HIPK2: variants seen among roughly 807,000 people sequenced by gnomAD.
HIPK2 encodes the protein homeodomain-interacting protein kinase 2.
A neutral mutation model predicts 113.7 loss-of-function variants in HIPK2; 27 were observed. The observed-to-expected ratio is 0.24, with a 90% CI of 0.17 to 0.33. The LOEUF (loss-of-function observed/expected upper bound fraction) is 0.33. Ranked by LOEUF, HIPK2 falls within the 10% of genes least tolerant of loss-of-function variation. The pLI, the probability that HIPK2 is intolerant of heterozygous loss-of-function variation, is 1.00. For synonymous variants in HIPK2, 631 were observed against 642.2 expected (o/e 0.98, Z 0.26); for missense variants, 1,257 against 1,588.0 (o/e 0.79, Z 3.54).
intron 1 of HIPK2, among the ~76,000 whole-genome samples, chr7:139,737,239 C>T (rs574074184): frequency 2.6e-5 from 4 of 152,190 alleles, no homozygotes; most frequent in Admixed American, 1.3e-4. Context: ...GGTGGGAGGA[C>T]GTATGAGGAT....
At chr7:139,687,074 C>T (rs775025448) in intron 2 of HIPK2, among the ~76,000 whole-genome samples, 2 of 152,202 alleles carry the variant, frequency 1.3e-5, no homozygotes, top group African/African-American at 4.8e-5. Flanking sequence ...AGATCACTAG[C>T]ATTTTTAGCA....
At chr7:139,646,325 G>T (rs1424065892) in intron 2 of HIPK2, among the ~76,000 whole-genome samples, 3 of 151,780 alleles carry the variant, frequency 2.0e-5, no homozygotes, top group Admixed American at 6.6e-5. Context: ...GTAAGACTCC[G>T]TCCCTACAAA....
chr7:139,591,721 CA>C (rs1799031361), intron 12 of HIPK2, among the ~76,000 whole-genome samples: 1 of 152,232 alleles, frequency 6.6e-6, no homozygotes. Flanking sequence ...AGATGAGTCA[CA>C]TGACTGAAAT....
chr7:139,645,598 T>C (rs1801184398), intron 2 of HIPK2, among the ~76,000 whole-genome samples: 1 of 152,172 alleles, frequency 6.6e-6, no homozygotes, highest in South Asian at 2.1e-4. Context: ...TCCTGGCCGA[T>C]GGAGTAGGCT....
rs1334373233 is a variant in HIPK2 at position 139,566,504 on chromosome 7, A to G, written c.*6423T>C. The stretch of plus-strand genomic sequence containing the variant: ...TGAGGCCACGCATTGCTATTAATTA[A>G]AAAAAGTTAAAAGATTAAAAATCAC... On this transcript the variant is annotated 3_prime_UTR_variant, in exon 15 of 15. Coordinates refer to ENST00000406875, the MANE Select transcript of HIPK2 (RefSeq NM_022740.5). This position sits in a 1 kb window ranked among gnomAD's most constrained non-coding sequence, Gnocchi z 4.1. The G allele has an allele frequency of 6.6e-6, 1 of 152,218 alleles. No individual in the cohort carries two copies. The highest frequency in any genetic ancestry group is 1.5e-5 in the Non-Finnish European group (1 of 68,050). 9.4% of individuals were successfully genotyped at this position (152,218 alleles called of 1,614,324 possible).
intron 6 of HIPK2, among the ~76,000 whole-genome samples, chr7:139,623,507 G>C (rs1376440129): frequency 8.0e-6 from 1 of 124,894 alleles, no homozygotes; most frequent in African/African-American, 3.1e-5. Flanking sequence ...AACAGAGTGA[G>C]ACTCTACTTC....
At position 139,765,745 on chromosome 7, in the gene HIPK2, C is replaced by T. The variant is rs552556981; in HGVS notation, c.19+11860G>A. 3.5e-4 allele frequency among the ~76,000 whole-genome samples: 53 copies of T among 152,282 alleles called. 1 individual carries two copies. The highest frequency in any genetic ancestry group is 3.0e-3 in the Admixed American group (46 of 15,300). On this transcript the variant is annotated intron_variant, in intron 1 of 14. Transcript: ENST00000406875. ...CAGCCTTCCTTTCCCCATGGCCTCA[C>T]AGCACCTCCTCCATCTTCTGTTAAA...
intron 2 of HIPK2, among the ~76,000 whole-genome samples, chr7:139,687,292 T>G (rs1038227277): frequency 6.6e-6 from 1 of 151,986 alleles, no homozygotes; most frequent in African/African-American, 2.4e-5. Flanking sequence ...TTTTTAGACA[T>G]GATATAGCAT....
intron 1 of HIPK2, among the ~76,000 whole-genome samples, chr7:139,722,830 G>C (rs1795453573): frequency 6.6e-6 from 1 of 151,924 alleles, no homozygotes; most frequent in Non-Finnish European, 1.5e-5. Context: ...AAAAAAATCA[G>C]ACCCTGACCC....
intron 9 of HIPK2, among the ~76,000 whole-genome samples, chr7:139,606,332 A>C (rs1799614417): frequency 6.6e-6 from 1 of 152,202 alleles, no homozygotes; most frequent in African/African-American, 2.4e-5. Flanking sequence ...CATTTCTAAG[A>C]TTAATAAATT....
At chr7:139,728,784 A>G (rs1446519975) in intron 1 of HIPK2, among the ~76,000 whole-genome samples, 2 of 152,236 alleles carry the variant, frequency 1.3e-5, no homozygotes, top group African/African-American at 4.8e-5. Context: ...ATATTCCAAA[A>G]GAAGTCTCTT....
rs1298896813 is a variant in HIPK2, at chr7:139,750,418, CTATA to C, written c.19+27183_19+27186del. ...GAATCTACCCTCAAATGATCTCTTC[CTATA>C]TATATAGTATTTTGGATGTATACAT... On this transcript the variant is annotated intron_variant, in intron 1 of 14. Transcript: ENST00000406875. Among the ~76,000 whole-genome samples, 3 of 152,226 alleles carry C rather than the reference CTATA, an allele frequency of 2.0e-5. No homozygotes were observed. The South Asian group carries it at 6.2e-4, about 32-fold the overall frequency.
At chr7:139,713,629 G>A (rs1795134707) in intron 2 of HIPK2, among the ~76,000 whole-genome samples, 1 of 152,224 alleles carries the variant, frequency 6.6e-6, no homozygotes, top group Non-Finnish European at 1.5e-5. Context: ...TTCAGTGAAT[G>A]TTAATAACAC....
In HIPK2 at chr7:139,713,260, G is replaced by C. The variant is rs73156901; in HGVS notation, c.1103+2672C>G. On this transcript the variant is annotated intron_variant, in intron 2 of 14. Transcript: ENST00000406875. The stretch of plus-strand genomic sequence containing the variant: ...CAAAAGGCCTGATCTCACCCACAGA[G>C]GGGGGCAGGAGAGGATCGCTGTGAG... Among the ~76,000 whole-genome samples the C allele has an allele frequency of 3.7e-3, 563 of 152,250 alleles. 3 individuals carry two copies. The highest frequency in any genetic ancestry group is 7.7e-3 in the Admixed American group (118 of 15,298).
chr7:139,578,791 C>T (rs1054243788), intron 13 of HIPK2, among the ~76,000 whole-genome samples: 4 of 152,208 alleles, frequency 2.6e-5, no homozygotes, highest in Non-Finnish European at 5.9e-5. Context: ...CAGCCTCAGC[C>T]TTCCGAGTAG....
chr7:139,668,075 G>T (rs938864495), intron 2 of HIPK2, among the ~76,000 whole-genome samples: 2 of 147,186 alleles, frequency 1.4e-5, no homozygotes, highest in East Asian at 4.0e-4. Flanking sequence ...GCAGCAAGCC[G>T]AGATCAAACC....
intron 2 of HIPK2, among the ~76,000 whole-genome samples, chr7:139,706,689 C>T (rs1003509220): frequency 3.3e-5 from 5 of 152,322 alleles, no homozygotes; most frequent in Admixed American, 2.0e-4. Context: ...CCTGCTCACA[C>T]GGGAGGTAGA....
rs112814769 is a variant in HIPK2 at position 139,754,250 on chromosome 7, T to C, written c.19+23355A>G. ...AGCCATTTTAAGCATAAATATCGTA[T>C]CTAAGTCTCCGATAGAAGGAGCACA... On this transcript the variant is annotated intron_variant, in intron 1 of 14. Coordinates refer to ENST00000406875, the MANE Select transcript of HIPK2 (RefSeq NM_022740.5). Among the ~76,000 whole-genome samples, 415 of 152,342 alleles carry C rather than the reference T, an allele frequency of 2.7e-3. 5 individuals carry two copies. The highest frequency in any genetic ancestry group is 9.5e-3 in the African/African-American group (396 of 41,578).
chr7:139,653,340 C>T lies in HIPK2; in HGVS notation c.1104-21615G>A, dbSNP rs560756680. Among the ~76,000 whole-genome samples, 32 of 151,864 alleles carry T rather than the reference C, an allele frequency of 2.1e-4. 1 individual carries two copies. The highest frequency in any genetic ancestry group is 7.5e-4 in the African/African-American group (31 of 41,350). On this transcript the variant is annotated intron_variant, in intron 2 of 14. Transcript: ENST00000406875. ...GATTTCTTCAGAGAGCAACTACAGACAAAGAGACATTTGTCTGTAAACATG... is the reference window on the plus strand; with the variant it reads ...GATTTCTTCAGAGAGCAACTACAGATAAAGAGACATTTGTCTGTAAACATG...
Sources: gnomAD v4.1 joint callset for allele counts (sites outside exome capture counted in the v4.1 genomes callset) on GRCh38, gnomAD v4.1.1 for gene constraint, Gnocchi (gnomAD v3.1) non-coding constraint, MANE v1.5 for transcripts, NCBI Gene and HGNC (gene_info 2026-07-23, HGNC 2026-07-21) for gene names.